The following UNC5D variants were observed in gnomAD, a reference collection of about 807,000 sequenced individuals.
UNC5D encodes the protein unc-5 netrin receptor D, also known as netrin receptor UNC5D.
Under a neutral mutation model 105.4 loss-of-function variants are expected in UNC5D, and 39 were observed. The ratio of observed to expected loss-of-function variants is 0.37; its 90% CI spans 0.29 to 0.48. The LOEUF is 0.48. Ranked by LOEUF, UNC5D falls within the 20% of genes least tolerant of loss-of-function variation. The pLI is 0.98. For missense variants in UNC5D, 991 were observed against 1,202.4 expected, an observed-to-expected ratio of 0.82 and a Z score of 2.60; for synonymous variants, 452 against 450.4, an observed-to-expected ratio of 1.00 and a Z score of -0.04.
chr8:35,604,896 A>T (rs1183981881), intron 4 of UNC5D, among the ~76,000 whole-genome samples: 1 of 152,144 alleles, frequency 6.6e-6, no homozygotes. Flanking sequence ...CAGCTCCATC[A>T]GGTCCTTTAA....
chr8:35,685,058 C>T (rs1036989604), intron 6 of UNC5D, among the ~76,000 whole-genome samples: 2 of 152,156 alleles, frequency 1.3e-5, no homozygotes, highest in Non-Finnish European at 2.9e-5. Flanking sequence ...CCCCTTCTCT[C>T]CTTGGGTTCT....
intron 1 of UNC5D, among the ~76,000 whole-genome samples, chr8:35,440,039 C>A (rs1015606679): frequency 1.3e-5 from 2 of 151,972 alleles, no homozygotes; most frequent in Non-Finnish European, 2.9e-5. Context: ...GCTTTTCCCC[C>A]CATAACCCAC....
intron 1 of UNC5D, among the ~76,000 whole-genome samples, chr8:35,498,079 C>CAAAAAAAAAAAAAAA (rs141361517): frequency 3.4e-5 from 2 of 59,420 alleles, no homozygotes; most frequent in Non-Finnish European, 4.8e-5. Flanking sequence ...CAAAACAAAA[C>CAAAAAAAAAAAAAAA]AAAACAAAAA....
At chr8:35,278,054 C>G (rs1805890913) in intron 1 of UNC5D, among the ~76,000 whole-genome samples, 1 of 152,110 alleles carries the variant, frequency 6.6e-6, no homozygotes, top group Non-Finnish European at 1.5e-5. Flanking sequence ...AGTTAGCCTC[C>G]CCCTTCCTTT....
intron 11 of UNC5D, among the ~76,000 whole-genome samples, chr8:35,740,251 C>G (rs1414657228): frequency 1.3e-5 from 2 of 152,130 alleles, no homozygotes; most frequent in African/African-American, 4.8e-5. Context: ...TAATTAAGAT[C>G]AAAGGAGAAG....
At chr8:35,477,047 C>A (rs1170726773) in intron 1 of UNC5D, among the ~76,000 whole-genome samples, 1 of 152,202 alleles carries the variant, frequency 6.6e-6, no homozygotes, top group Non-Finnish European at 1.5e-5. Context: ...ATTTACCAGG[C>A]AGCCCCCTTG....
chr8:35,688,725 A>G (rs1434058980), intron 7 of UNC5D, among the ~76,000 whole-genome samples: 1 of 152,224 alleles, frequency 6.6e-6, no homozygotes, highest in Non-Finnish European at 1.5e-5. Context: ...ACCTCTCTTG[A>G]ATACCACCAG....
At chr8:35,675,550 T>G (rs1385052352) in intron 4 of UNC5D, among the ~76,000 whole-genome samples, 1 of 152,152 alleles carries the variant, frequency 6.6e-6, no homozygotes, top group Non-Finnish European at 1.5e-5. Flanking sequence ...ATACTGAGTC[T>G]ACCAAATCCC....
At chr8:35,413,292 T>TGTGTGTGTGTGTTGTGTG (rs56157732) in intron 1 of UNC5D, among the ~76,000 whole-genome samples, 1 of 127,978 alleles carries the variant, frequency 7.8e-6, no homozygotes, top group Non-Finnish European at 1.6e-5. Flanking sequence ...TGTGTGTGTG[T>TGTGTGTGTGTGTTGTGTG]TGTGTGTGTG....
chr8:35,272,191 G>T (rs964899121), intron 1 of UNC5D, among the ~76,000 whole-genome samples: 1 of 152,128 alleles, frequency 6.6e-6, no homozygotes, highest in African/African-American at 2.4e-5. Context: ...AAACAAAACT[G>T]AAAAATGATG....
intron 16 of UNC5D, among the ~76,000 whole-genome samples, chr8:35,787,021 C>T (rs1015023294): frequency 2.0e-5 from 3 of 152,194 alleles, no homozygotes; most frequent in South Asian, 2.1e-4. Flanking sequence ...GACACAGCCA[C>T]GCTCATTCAC....
intron 1 of UNC5D, among the ~76,000 whole-genome samples, chr8:35,294,812 C>A (rs1308634929): frequency 6.7e-6 from 1 of 149,964 alleles, no homozygotes; most frequent in African/African-American, 2.5e-5. Flanking sequence ...TCAACTTTTT[C>A]TTGTAATGGC....
intron 4 of UNC5D, among the ~76,000 whole-genome samples, chr8:35,628,051 T>C (rs867450951): frequency 6.6e-6 from 1 of 152,220 alleles, no homozygotes; most frequent in Non-Finnish European, 1.5e-5. Flanking sequence ...CCATGTTTCA[T>C]AGACCTAATC....
In UNC5D at chr8:35,466,199, T is replaced by C. The variant is rs74596731; in HGVS notation, c.104-83093T>C. Among the ~76,000 whole-genome samples, 1,381 of 152,230 alleles carry C rather than the reference T, an allele frequency of 9.1e-3. 18 individuals are homozygous for C. The highest frequency in any genetic ancestry group is 0.031 in the African/African-American group (1,293 of 41,550). On this transcript the variant is annotated intron_variant, in intron 1 of 16. Coordinates refer to ENST00000404895, the MANE Select transcript of UNC5D (RefSeq NM_080872.4). ...CTGATCATAATGTTGGGAATAATCT[T>C]CCTCTTCACAAGGAGTTACCGAAGT...
intron 1 of UNC5D, 69 bp downstream of exon 1, chr8:35,235,956 T>C (rs2128795963): frequency 8.4e-7 from 1 of 1,186,660 alleles, no homozygotes; most frequent in Non-Finnish European, 1.1e-6. Flanking sequence ...GAGCGGGACC[T>C]GCACCGATGG....
intron 4 of UNC5D, among the ~76,000 whole-genome samples, chr8:35,604,934 T>A (rs1734101847): frequency 6.6e-6 from 1 of 152,186 alleles, no homozygotes; most frequent in Non-Finnish European, 1.5e-5. Context: ...TTATTCTAGT[T>A]TTCCATTTGT....
At chr8:35,700,285 TAAAC>T (rs1827097015) in intron 7 of UNC5D, among the ~76,000 whole-genome samples, 1 of 152,004 alleles carries the variant, frequency 6.6e-6, no homozygotes, top group Non-Finnish European at 1.5e-5. Context: ...AGTCAGCAAA[TAAAC>T]AAATAGCTCT....
chr8:35,482,793 C>CTTTTTTTTTTTTT (rs5890816), intron 1 of UNC5D, among the ~76,000 whole-genome samples: 2 of 78,146 alleles, frequency 2.6e-5, no homozygotes, highest in African/African-American at 1.1e-4. Context: ...TTAAAGAGAT[C>CTTTTTTTTTTTTT]TTTTTTTTTT....
intron 1 of UNC5D, among the ~76,000 whole-genome samples, chr8:35,318,988 A>G (rs1411421946): frequency 6.6e-6 from 1 of 152,096 alleles, no homozygotes; most frequent in Non-Finnish European, 1.5e-5. Flanking sequence ...GAAGGACCTC[A>G]CCCATGTTCC....
Sources: gnomAD v4.1 joint callset for allele counts (sites outside exome capture counted in the v4.1 genomes callset) on GRCh38, gnomAD v4.1.1 for gene constraint, MANE v1.5 for transcripts, NCBI Gene and HGNC (gene_info 2026-07-23, HGNC 2026-07-21) for gene names.